Variants in ATP9B observed in about 807,000 individuals in gnomAD.
The protein encoded by ATP9B is probable phospholipid-transporting ATPase IIB.
A neutral mutation model predicts 146.1 loss-of-function variants in ATP9B; 110 were observed. The observed-to-expected ratio is 0.75, with a 90% CI of 0.65 to 0.88. ATP9B has a LOEUF of 0.88. Among genes scored for constraint, ATP9B ranks in the 40% least tolerant of loss-of-function variants. The probability of loss-of-function intolerance (pLI) is 0.00; values close to 1 mark genes in which losing one functional copy is unlikely to be tolerated. For synonymous variants in ATP9B, 604 were observed against 569.7 expected (o/e 1.06, Z -0.86); for missense variants, 1,499 against 1,496.4 (o/e 1.00, Z -0.03).
intron 11 of ATP9B, among the ~76,000 whole-genome samples, chr18:79,237,158 C>T (rs567328090): frequency 1.4e-4 from 10 of 71,894 alleles, no homozygotes; most frequent in African/African-American, 6.0e-4. Flanking sequence ...CCACACCTGC[C>T]CCTTCCCCCT....
chr18:79,307,827 G>C (rs1348372006), intron 15 of ATP9B, among the ~76,000 whole-genome samples: 2 of 152,098 alleles, frequency 1.3e-5, no homozygotes, highest in Non-Finnish European at 2.9e-5. Context: ...TAATGTCTTA[G>C]TATATTTTAT....
At chr18:79,306,329 G>T (rs2096620300) in intron 14 of ATP9B, among the ~76,000 whole-genome samples, 3 of 152,240 alleles carry the variant, frequency 2.0e-5, no homozygotes, top group Admixed American at 2.0e-4. Flanking sequence ...TGGTGCCGAT[G>T]AAATCTCTGA....
intron 1 of ATP9B, chr18:79,085,932 A>G (rs533788501): frequency 6.6e-6 from 1 of 152,188 alleles, no homozygotes; most frequent in Non-Finnish European, 1.5e-5. Flanking sequence ...ACAATTTTCT[A>G]TGAATCATAA....
rs139792425 is a variant in ATP9B, at chr18:79,151,805, G to A, written c.727-2699G>A. Among the ~76,000 whole-genome samples the A allele has an allele frequency of 5.8e-3, 886 of 151,564 alleles. 5 individuals carry two copies. The highest frequency in any genetic ancestry group is 0.021 in the African/African-American group (856 of 41,310). On this transcript the variant is annotated intron_variant, in intron 6 of 29. Transcript: ENST00000426216. ...TGTTACATAGGTATACACATGCCAT[G>A]GTGGTTTGCTGCACCCATCAACCCG...
At chr18:79,181,594 C>T (rs1438064633) in intron 8 of ATP9B, among the ~76,000 whole-genome samples, 10 of 151,720 alleles carry the variant, frequency 6.6e-5, no homozygotes, top group African/African-American at 2.2e-4. Flanking sequence ...TCTTCTTTTT[C>T]TCAGCCTTTT....
intron 10 of ATP9B, among the ~76,000 whole-genome samples, chr18:79,208,772 C>A (rs967986926): frequency 6.7e-6 from 1 of 148,654 alleles, no homozygotes; most frequent in African/African-American, 2.5e-5. Flanking sequence ...TATAAACATA[C>A]GTATATAAAT....
At chr18:79,204,798 G>A (rs2095519537) in intron 9 of ATP9B, among the ~76,000 whole-genome samples, 1 of 152,202 alleles carries the variant, frequency 6.6e-6, no homozygotes, top group Non-Finnish European at 1.5e-5. Context: ...TCACTGAGAA[G>A]ACCTCTTTGT....
At chr18:79,336,165 CTGTGCCCTCCCTGG>C (rs2096825070) in intron 17 of ATP9B, among the ~76,000 whole-genome samples, 1 of 132,998 alleles carries the variant, frequency 7.5e-6, no homozygotes. Context: ...TGTGCACCCT[CTGTGCCCTCCCTGG>C]CACCAGGCGC....
At chr18:79,296,652 G>C (rs2096550193) in intron 13 of ATP9B, among the ~76,000 whole-genome samples, 1 of 152,308 alleles carries the variant, frequency 6.6e-6, no homozygotes. Flanking sequence ...GCAAGTGTTT[G>C]ATTTCTGTTT....
chr18:79,192,013 C>G (rs1037460971), intron 8 of ATP9B, among the ~76,000 whole-genome samples: 3 of 151,920 alleles, frequency 2.0e-5, no homozygotes, highest in Admixed American at 2.0e-4. Context: ...CAGACTCTAC[C>G]TTTCTGGCAT....
chr18:79,104,274 T>C (rs1287997782), intron 2 of ATP9B, among the ~76,000 whole-genome samples: 2 of 152,132 alleles, frequency 1.3e-5, no homozygotes, highest in Non-Finnish European at 2.9e-5. Flanking sequence ...TTTGTGTGTG[T>C]GGAAAATCAC....
intron 15 of ATP9B, among the ~76,000 whole-genome samples, chr18:79,319,807 A>AATC (rs1381652326): frequency 6.6e-6 from 1 of 152,222 alleles, no homozygotes; most frequent in African/African-American, 2.4e-5. Context: ...TAAAGTCCTG[A>AATC]AGCAAATATT....
At chr18:79,300,219 C>T (rs1227153942) in intron 13 of ATP9B, among the ~76,000 whole-genome samples, 2 of 152,062 alleles carry the variant, frequency 1.3e-5, no homozygotes, top group Non-Finnish European at 2.9e-5. Flanking sequence ...GGTTTGAGAG[C>T]GTTTGGGAGG....
At chr18:79,127,155 C>G (rs893228005) in intron 5 of ATP9B, among the ~76,000 whole-genome samples, 3 of 152,040 alleles carry the variant, frequency 2.0e-5, no homozygotes, top group Admixed American at 6.6e-5. Flanking sequence ...TGAAATAGTA[C>G]CTTCAAAAAT....
In ATP9B at chr18:79,193,227, A is replaced by T; in HGVS notation, c.918A>T (p.Gln306His). The change falls in exon 9 of 30, where the codon CAA (glutamine) becomes CAT (histidine). Residue 306 changes from glutamine to histidine, a missense_variant. Transcript: ENST00000426216. ...CTTATGTTTATGCTCAGAAACCACA[A>T]ATGGACATTCACAGTTTCGAAGGCA... ...ISAYVYAQKPQMDIHSFEGTF... is the reference protein window; with the variant it reads ...ISAYVYAQKPHMDIHSFEGTF... 6.2e-7 allele frequency: 1 copy of T among 1,612,240 alleles called. No individual in the cohort carries two copies. The highest frequency in any genetic ancestry group is 8.5e-7 in the Non-Finnish European group (1 of 1,178,396).
At chr18:79,081,269 G>A (rs771475741) in intron 1 of ATP9B, among the ~76,000 whole-genome samples, 28 of 152,148 alleles carry the variant, frequency 1.8e-4, no homozygotes, top group Non-Finnish European at 3.2e-4. Context: ...TTGGTTGGTA[G>A]GCTATTAATT....
chr18:79,338,600 C>A (rs1225889493), intron 19 of ATP9B, among the ~76,000 whole-genome samples: 7 of 152,294 alleles, frequency 4.6e-5, no homozygotes, highest in African/African-American at 1.7e-4. Flanking sequence ...GGTGGCTTCC[C>A]CCAGATGCTG....
intron 11 of ATP9B, among the ~76,000 whole-genome samples, chr18:79,225,524 G>A (rs1442703509): frequency 1.3e-5 from 2 of 152,216 alleles, no homozygotes; most frequent in Admixed American, 6.5e-5. Flanking sequence ...ACGTCCTTTC[G>A]AAACCATGTT....
At chr18:79,255,573 T>C (rs553441460) in intron 12 of ATP9B, among the ~76,000 whole-genome samples, 1 of 152,348 alleles carries the variant, frequency 6.6e-6, no homozygotes, top group South Asian at 2.1e-4. Flanking sequence ...CTGCTTTTCT[T>C]AGTTTCTGCC....
Sources: allele counts gnomAD v4.1 joint callset (sites outside exome capture counted in the v4.1 genomes callset), GRCh38; gene constraint gnomAD v4.1.1; transcripts MANE v1.5; gene names NCBI Gene and HGNC (gene_info 2026-07-23, HGNC 2026-07-21).